The following EPHA8 variants were observed in gnomAD, a reference collection of about 807,000 sequenced individuals.
EPHA8 encodes EPH receptor A8, also known as ephrin type-A receptor 8.
Under a neutral mutation model 103.6 loss-of-function variants are expected in EPHA8, and 58 were observed. The ratio of observed to expected loss-of-function variants is 0.56; its 90% CI spans 0.45 to 0.70. EPHA8 has a LOEUF of 0.70. Among genes scored for constraint, EPHA8 ranks in the 30% least tolerant of loss-of-function variants. The pLI is 0.00. For missense variants in EPHA8, 1,304 were observed against 1,395.2 expected (o/e 0.93, Z 1.04); for synonymous variants, 559 against 572.5 (o/e 0.98, Z 0.34).
At chr1:22,599,198 C>T (rs1307579052) in intron 13 of EPHA8, 151 bp downstream of exon 13, 8 of 801,432 alleles carry the variant, frequency 1.0e-5, no homozygotes, top group Admixed American at 2.5e-5. Flanking sequence ...CTCCTCTTCA[C>T]GCCAGTGCCT....
In EPHA8 at chr1:22,586,566, G is replaced by T. The variant is rs746880859; in HGVS notation, c.910G>T (p.Ala304Ser). Residue 304 changes from alanine to serine, a missense_variant, in exon 4 of 17, where the codon GCC becomes TCC. Ala to Ser is a moderately conservative substitution (Grantham distance 99). Coordinates refer to ENST00000166244, the MANE Select transcript of EPHA8 (RefSeq NM_020526.5). The part of the protein sequence containing the change: ...PPHSHSAAPA[A>S]QACHCDLSYY... ...CCACAGCCACTCCGCAGCTCCAGCCGCCCAAGCCTGCCACTGTGACCTCAG... is the reference window on the plus strand; with the variant it reads ...CCACAGCCACTCCGCAGCTCCAGCCTCCCAAGCCTGCCACTGTGACCTCAG... 3.7e-6 allele frequency: 6 copies of T among 1,613,686 alleles called. No individual in the cohort carries two copies. In the East Asian group the frequency reaches 1.3e-4, roughly 36 times the overall value.
intron 3 of EPHA8, among the ~76,000 whole-genome samples, chr1:22,582,667 C>T (rs951703683): frequency 8.5e-5 from 13 of 152,150 alleles, no homozygotes; most frequent in African/African-American, 3.1e-4. Flanking sequence ...CTCCCAACTC[C>T]TTGCCCAGAG....
chr1:22,584,237 G>A (rs949550790), intron 3 of EPHA8, among the ~76,000 whole-genome samples: 1 of 152,190 alleles, frequency 6.6e-6, no homozygotes. Flanking sequence ...CTCCCGGGGG[G>A]CTTCTGGGAA....
intron 5 of EPHA8, 56 bp from the exon 6 acceptor site, chr1:22,593,270 G>A (rs1641420405): frequency 2.6e-6 from 4 of 1,533,710 alleles, no homozygotes; most frequent in Middle Eastern, 1.9e-4. Flanking sequence ...GAAGGGTTGG[G>A]AGAGAGGCCA....
Position 22,601,853 on chromosome 1 carries a change from C to G in EPHA8, c.*112C>G, listed in dbSNP as rs1359504424. On this transcript the variant is annotated 3_prime_UTR_variant, in exon 17 of 17. Transcript: ENST00000166244. Reference sequence around the variant, plus strand: ...GGCGGCCCCAGGCCTCTGCCCTCCTCTCAGGTGCTGGAGGAGCTGAAGGCT... The same window carrying G: ...GGCGGCCCCAGGCCTCTGCCCTCCTGTCAGGTGCTGGAGGAGCTGAAGGCT... The G allele has an allele frequency of 1.5e-5, 16 of 1,050,738 alleles. 1 individual carries two copies. The highest frequency in any genetic ancestry group is 2.2e-5 in the Non-Finnish European group (16 of 724,324). 65.1% of individuals were successfully genotyped at this position (1,050,738 alleles called of 1,614,324 possible). A position where few individuals can be genotyped will look rare whatever the true frequency, so the allele number is the denominator to read the frequency against.
rs749210007 is a variant in EPHA8 at position 22,598,843 on chromosome 1, C to T, written c.2184C>T (p.His728=). The T allele has an allele frequency of 1.5e-5, 24 of 1,612,404 alleles. No homozygotes were observed. Among genetic ancestry groups the T allele is most frequent in the African/African-American group, 4.0e-5 (3 of 74,870 alleles). Reference sequence around the variant, plus strand: ...CAAGCCATGTCCCCCTGCAGACCCACGACGGGCAGTTCACCATCATGCAGC... The same window carrying T: ...CAAGCCATGTCCCCCTGCAGACCCATGACGGGCAGTTCACCATCATGCAGC... ...NGSLDTFLRT[H]DGQFTIMQLV... Residue 728 remains histidine, a synonymous_variant, in exon 13 of 17, where the codon CAC becomes CAT. Coordinates refer to ENST00000166244, the MANE Select transcript of EPHA8 (RefSeq NM_020526.5). This position sits in a 1 kb window ranked among gnomAD's most constrained non-coding sequence, Gnocchi z 5.1.
intron 2 of EPHA8, among the ~76,000 whole-genome samples, chr1:22,575,248 G>A (rs551195005): frequency 2.7e-5 from 4 of 145,922 alleles, no homozygotes; most frequent in African/African-American, 1.1e-4. Context: ...ACCGCACCTG[G>A]CCTTATTATT....
intron 3 of EPHA8, among the ~76,000 whole-genome samples, chr1:22,582,756 T>C (rs1641080132): frequency 6.6e-6 from 1 of 152,122 alleles, no homozygotes; most frequent in Admixed American, 6.5e-5. Context: ...CCCCGCACCC[T>C]GGTTCACCCC....
chr1:22,582,916 C>T (rs1641085408), intron 3 of EPHA8, among the ~76,000 whole-genome samples: 1 of 152,260 alleles, frequency 6.6e-6, no homozygotes, highest in African/African-American at 2.4e-5. Context: ...CAGAGAGTCT[C>T]ATTTCGGAGG....
In EPHA8 at chr1:22,593,620, C is replaced by T. The variant is rs777700778; in HGVS notation, c.1537C>T (p.Arg513Ter). 1.2e-5 allele frequency: 20 copies of T among 1,609,298 alleles called. No individual in the cohort carries two copies. The East Asian group carries it at 3.1e-4, about 25-fold the overall frequency. Residue 513 changes from arginine to a stop codon, truncating the protein, a stop_gained, in exon 7 of 17, where the codon CGA becomes TGA. Transcript: ENST00000166244. LOFTEE classifies it high-confidence loss of function. ...GGGCACCCGCTACGTGTTCCAGGTC[C>T]GAGCCCGCACCTCAGCAGGCTGTGG... The part of the protein sequence containing the change: ...KPGTRYVFQV[R>*]ARTSAGCGRF...
At chr1:22,574,203 T>A (rs1640621165) in intron 2 of EPHA8, among the ~76,000 whole-genome samples, 1 of 151,980 alleles carries the variant, frequency 6.6e-6, no homozygotes. Context: ...ATGGTGTCGA[T>A]CTCCTGACCT....
chr1:22,596,340 C>A (rs1049309451), intron 9 of EPHA8, among the ~76,000 whole-genome samples, 167 bp downstream of exon 9: 31 of 152,312 alleles, frequency 2.0e-4, no homozygotes, highest in Non-Finnish European at 3.8e-4. Context: ...CAGAGGGCAG[C>A]GCCGTTCATG....
chr1:22,593,474 G>A (rs1397321831), intron 6 of EPHA8, 24 bp downstream of exon 6: 1 of 1,609,928 alleles, frequency 6.2e-7, no homozygotes, highest in Non-Finnish European at 8.5e-7. Context: ...GACGGAGTGG[G>A]AGGGGCTGGG....
chr1:22,570,303 CGTGTGCGTGT>C (rs1557551064), intron 2 of EPHA8, among the ~76,000 whole-genome samples: 23 of 147,466 alleles, frequency 1.6e-4, no homozygotes, highest in African/African-American at 3.9e-4. Flanking sequence ...CACATGCACA[CGTGTGCGTGT>C]ACACACATGC....
At position 22,595,230 on chromosome 1, in the gene EPHA8, G is replaced by T; in HGVS notation, c.1604G>T (p.Arg535Leu). 2.5e-6 allele frequency: 4 copies of T among 1,606,998 alleles called. No homozygotes were observed. The highest frequency in any genetic ancestry group is 2.6e-6 in the Non-Finnish European group (3 of 1,174,980). Residue 535 changes from arginine (R) to leucine (L), a missense_variant and splice_region_variant, in exon 8 of 17, where the codon CGG (arginine) becomes CTG (leucine). Arg to Leu is a moderately radical substitution (Grantham distance 102, BLOSUM62 -2). Coordinates refer to ENST00000166244, the MANE Select transcript of EPHA8 (RefSeq NM_020526.5). ...QAMEVETGKP[R>L]PRYDTRTIVW... ...CCCCAACCCTGGCTTTCCCCTGCAG[G>T]GCCCCGCTATGACACCAGGACCATT...
intron 16 of EPHA8, 50 bp from the exon 17 acceptor site, chr1:22,601,577 G>A (rs761935247): frequency 2.3e-5 from 36 of 1,583,088 alleles, no homozygotes; most frequent in Admixed American, 1.8e-4. Context: ...CTGCGTGCGC[G>A]GCTCCCAGCC....
At position 22,598,748 on chromosome 1, in the gene EPHA8, C is replaced by G. The variant is rs1211314342; in HGVS notation, c.2179-90C>G. On this transcript the variant is annotated intron_variant, in intron 12 of 16. Transcript: ENST00000166244. The surrounding 1 kb of genome is among the most constrained non-coding windows in gnomAD (Gnocchi z 5.1). ...CAAATTGCAAAGCACCGTCTCAACTCGAGAGCATCCTACAGATGGGAGGTG... is the reference window on the plus strand; with the variant it reads ...CAAATTGCAAAGCACCGTCTCAACTGGAGAGCATCCTACAGATGGGAGGTG... The G allele has an allele frequency of 5.9e-6, 8 of 1,357,136 alleles. No individual in the cohort carries two copies. The highest frequency in any genetic ancestry group is 8.1e-6 in the Non-Finnish European group (8 of 981,818). 84.1% of individuals were successfully genotyped at this position (1,357,136 alleles called of 1,614,324 possible).
At chr1:22,599,863 G>A in intron 13 of EPHA8, among the ~76,000 whole-genome samples, 1 of 77,290 alleles carries the variant, frequency 1.3e-5, no homozygotes, top group Admixed American at 1.3e-4. Context: ...AGGGAAGGGA[G>A]GAAGGGAAGG....
At chr1:22,599,123 T>C (rs1641607804) in intron 13 of EPHA8, 76 bp downstream of exon 13, 2 of 1,466,344 alleles carry the variant, frequency 1.4e-6, no homozygotes, top group Non-Finnish European at 1.9e-6. Flanking sequence ...GCCCAACCAT[T>C]CTGCAAGTAG....
Sources: allele counts gnomAD v4.1 joint callset (sites outside exome capture counted in the v4.1 genomes callset), GRCh38; gene constraint gnomAD v4.1.1; non-coding constraint Gnocchi (gnomAD v3.1); transcripts MANE v1.5; gene names NCBI Gene and HGNC (gene_info 2026-07-23, HGNC 2026-07-21).